LRRTM4: variants seen among roughly 807,000 people sequenced by gnomAD.
LRRTM4 encodes the protein leucine-rich repeat transmembrane neuronal protein 4.
A neutral mutation model predicts 47.6 loss-of-function variants in LRRTM4; 25 were observed. The observed-to-expected ratio is 0.53, with a 90% CI of 0.38 to 0.73. The LOEUF (loss-of-function observed/expected upper bound fraction) is 0.73, where lower values mean the gene tolerates loss of function less well. Ranked by LOEUF, LRRTM4 falls within the 30% of genes least tolerant of loss-of-function variation. The probability of loss-of-function intolerance (pLI) is 0.00; values close to 1 mark genes in which losing one functional copy is unlikely to be tolerated. For missense variants in LRRTM4, 638 were observed against 713.4 expected (o/e 0.89, Z 1.20); for synonymous variants, 311 against 269.5 (o/e 1.15, Z -1.51).
In LRRTM4 at chr2:77,215,721, G is replaced by C. The variant is rs139642116; in HGVS notation, c.1551+302597C>G. ...TGCTTCAGAACTGGCTAAACACCCAGAGTTTCCTTTCTTTTAAAGTTTAAT... is the reference window on the plus strand; with the variant it reads ...TGCTTCAGAACTGGCTAAACACCCACAGTTTCCTTTCTTTTAAAGTTTAAT... On this transcript the variant is annotated intron_variant, in intron 3 of 3. Transcript: ENST00000409884. Among the ~76,000 whole-genome samples, 784 of 152,244 alleles carry C rather than the reference G, an allele frequency of 5.1e-3. 8 individuals are homozygous for C. Among genetic ancestry groups the C allele is most frequent in the African/African-American group, 0.018 (759 of 41,546 alleles).
Position 77,071,951 on chromosome 2 carries a change from TTAA to T in LRRTM4, c.1552-323038_1552-323036del, listed in dbSNP as rs139651975. 4.8e-3 allele frequency among the ~76,000 whole-genome samples: 736 copies of T among 152,312 alleles called. 11 individuals are homozygous for T. Among genetic ancestry groups the T allele is most frequent in the African/African-American group, 0.016 (681 of 41,578 alleles). ...TAGTGGGTGGTATAAAGTATGAGAA[TTAA>T]TAATATTTTTTGACTTGGTAAGACT... On this transcript the variant is annotated intron_variant, in intron 3 of 3. Transcript: ENST00000409884.
chr2:77,119,705 C>T (rs575195491), intron 3 of LRRTM4, among the ~76,000 whole-genome samples: 2 of 151,886 alleles, frequency 1.3e-5, no homozygotes, highest in Admixed American at 1.3e-4. Context: ...TGATATAAGT[C>T]TGCTTCATTT....
At chr2:77,089,783 G>A (rs1320982820) in intron 3 of LRRTM4, among the ~76,000 whole-genome samples, 2 of 152,112 alleles carry the variant, frequency 1.3e-5, no homozygotes, top group Non-Finnish European at 2.9e-5. Context: ...CTCGACAGTA[G>A]TTCCAAATAG....
rs1005246540 is a variant in LRRTM4, at chr2:77,060,553, T to A, written c.1552-311637A>T. Among the ~76,000 whole-genome samples the A allele has an allele frequency of 2.0e-5, 3 of 152,264 alleles. No individual in the cohort carries two copies. The East Asian group carries it at 5.8e-4, about 29-fold the overall frequency. ...TTGAATATTTTGAGAAAACCCAGCA[T>A]AAAAACATGGGATTATAATAGATAA... On this transcript the variant is annotated intron_variant, in intron 3 of 3. Coordinates refer to ENST00000409884, the MANE Select transcript of LRRTM4 (RefSeq NM_001134745.3).
At chr2:76,911,215 A>T (rs969073724) in intron 3 of LRRTM4, among the ~76,000 whole-genome samples, 1 of 152,174 alleles carries the variant, frequency 6.6e-6, no homozygotes, top group African/African-American at 2.4e-5. Context: ...ACCTTTGACA[A>T]GAATTATTAC....
intron 3 of LRRTM4, among the ~76,000 whole-genome samples, chr2:77,429,378 A>T (rs1291431068): frequency 6.6e-6 from 1 of 152,174 alleles, no homozygotes; most frequent in Non-Finnish European, 1.5e-5. Flanking sequence ...GAAAATTGGT[A>T]TGTTTAAAAG....
intron 3 of LRRTM4, among the ~76,000 whole-genome samples, chr2:76,783,090 A>C (rs943573697): frequency 6.6e-6 from 1 of 152,204 alleles, no homozygotes; most frequent in Non-Finnish European, 1.5e-5. Flanking sequence ...AAGAATATTC[A>C]GACAAGCATT....
In LRRTM4 at chr2:76,902,720, T is replaced by C. The variant is rs1278856305; in HGVS notation, c.1552-153804A>G. 2.0e-5 allele frequency among the ~76,000 whole-genome samples: 3 copies of C among 152,206 alleles called. No individual in the cohort carries two copies. In the East Asian group the frequency reaches 5.8e-4, roughly 29 times the overall value. On this transcript the variant is annotated intron_variant, in intron 3 of 3. Coordinates refer to ENST00000409884, the MANE Select transcript of LRRTM4 (RefSeq NM_001134745.3). ...TTTTACCTGGACTTGCTCTCTAAGT[T>C]CTGTGATGCACCACCATTTTATTTT...
intron 3 of LRRTM4, among the ~76,000 whole-genome samples, chr2:77,485,526 C>T (rs1226427704): frequency 1.3e-5 from 2 of 151,966 alleles, no homozygotes; most frequent in Non-Finnish European, 2.9e-5. Flanking sequence ...GGATTTGAAT[C>T]CAGAGAAAAG....
chr2:76,757,555 A>G (rs1673081231), intron 3 of LRRTM4, among the ~76,000 whole-genome samples: 1 of 152,174 alleles, frequency 6.6e-6, no homozygotes, highest in Non-Finnish European at 1.5e-5. Context: ...ATTAGCTGGT[A>G]TTAATTTCTA....
chr2:77,469,569 C>CCAT (rs1168755924), intron 3 of LRRTM4, among the ~76,000 whole-genome samples: 1 of 152,062 alleles, frequency 6.6e-6, no homozygotes, highest in East Asian at 1.9e-4. Context: ...TATTTCATTT[C>CCAT]CATCTGATTC....
chr2:76,942,676 C>CTGTG (rs61077287), intron 3 of LRRTM4, among the ~76,000 whole-genome samples: 5,412 of 148,258 alleles, frequency 0.037, 116 homozygotes, highest in East Asian at 0.084. Flanking sequence ...CTCTAGGAAT[C>CTGTG]TGTGTGTGTG....
chr2:77,169,545 C>T (rs984213690), intron 3 of LRRTM4, among the ~76,000 whole-genome samples: 4 of 150,796 alleles, frequency 2.7e-5, no homozygotes, highest in Non-Finnish European at 4.4e-5. Flanking sequence ...TCTGCTTTCA[C>T]GGATGGGTTA....
intron 3 of LRRTM4, among the ~76,000 whole-genome samples, chr2:77,087,364 T>G (rs1338903897): frequency 6.6e-6 from 1 of 152,236 alleles, no homozygotes; most frequent in African/African-American, 2.4e-5. Flanking sequence ...CATAAAAATC[T>G]ACAATCACAG....
At chr2:77,236,973 C>T (rs149432142) in intron 3 of LRRTM4, among the ~76,000 whole-genome samples, 350 of 151,794 alleles carry the variant, frequency 2.3e-3, no homozygotes, top group African/African-American at 8.2e-3. Context: ...GGGGTATTGG[C>T]CTGTGGTTTT....
At chr2:76,926,839 C>T (rs868372054) in intron 3 of LRRTM4, among the ~76,000 whole-genome samples, 4 of 152,022 alleles carry the variant, frequency 2.6e-5, no homozygotes, top group East Asian at 1.9e-4. Context: ...GAGCACAAAA[C>T]GAACTAAGAC....
chr2:77,522,318 T>C lies in LRRTM4; in HGVS notation c.-357A>G. 1 of 519,780 alleles carries C rather than the reference T, an allele frequency of 1.9e-6. No individual in the cohort carries two copies. Among genetic ancestry groups the C allele is most frequent in the Non-Finnish European group, 3.4e-6 (1 of 292,338 alleles). 32.2% of individuals were successfully genotyped at this position (519,780 alleles called of 1,614,324 possible). A position where few individuals can be genotyped will look rare whatever the true frequency, so the allele number is the denominator to read the frequency against. ...AGCCCTTGTCTAATTCAGAAGGCTTTCCAGAGACTGATGATGCTCAGAGCT... is the reference window on the plus strand; with the variant it reads ...AGCCCTTGTCTAATTCAGAAGGCTTCCCAGAGACTGATGATGCTCAGAGCT... On this transcript the variant is annotated 5_prime_UTR_variant, in exon 1 of 4. Transcript: ENST00000409884.
intron 3 of LRRTM4, among the ~76,000 whole-genome samples, chr2:76,968,920 G>A (rs918363879): frequency 6.6e-6 from 1 of 151,730 alleles, no homozygotes; most frequent in Non-Finnish European, 1.5e-5. Context: ...TAGCTCCTCC[G>A]TCAGTGCCTA....
In LRRTM4 at chr2:77,111,619, A is replaced by G. The variant is rs566004551; in HGVS notation, c.1552-362703T>C. The stretch of plus-strand genomic sequence containing the variant: ...TACCCCATCCTACTTGGTCCTTAAG[A>G]TTTCCTGTGTCCAGGGTCTCCATGG... On this transcript the variant is annotated intron_variant, in intron 3 of 3. Coordinates refer to ENST00000409884, the MANE Select transcript of LRRTM4 (RefSeq NM_001134745.3). Among the ~76,000 whole-genome samples, 12 of 152,080 alleles carry G rather than the reference A, an allele frequency of 7.9e-5. No individual in the cohort carries two copies. In the East Asian group the frequency reaches 2.3e-3, roughly 30 times the overall value.
Sources: gnomAD v4.1 joint callset for allele counts (sites outside exome capture counted in the v4.1 genomes callset) on GRCh38, gnomAD v4.1.1 for gene constraint, MANE v1.5 for transcripts, NCBI Gene and HGNC (gene_info 2026-07-23, HGNC 2026-07-21) for gene names.